The following NTM variants were observed in gnomAD, a reference collection of about 807,000 sequenced individuals.
The protein encoded by NTM is neurotrimin.
NTM carries 13 observed loss-of-function variants against 42.1 expected under a neutral mutation model. The observed-to-expected ratio is 0.31, with a 90% CI of 0.20 to 0.49. NTM has a LOEUF of 0.49. Ranked by LOEUF, NTM falls within the 20% of genes least tolerant of loss-of-function variation. The pLI is 0.99. For missense variants in NTM, 373 were observed against 452.8 expected (o/e 0.82, Z 1.60); for synonymous variants, 187 against 179.2 (o/e 1.04, Z -0.35).
intron 1 of NTM, among the ~76,000 whole-genome samples, chr11:131,892,213 C>T (rs969198604): frequency 2.0e-5 from 3 of 152,132 alleles, no homozygotes; most frequent in Admixed American, 2.0e-4. Flanking sequence ...GCTTGGTTCA[C>T]TCATCTGTCA....
chr11:131,476,178 G>A (rs1952919835), intron 1 of NTM, among the ~76,000 whole-genome samples: 1 of 152,182 alleles, frequency 6.6e-6, no homozygotes, highest in Non-Finnish European at 1.5e-5. Flanking sequence ...CCCATTTTAT[G>A]TTCTTGCCTA....
intron 2 of NTM, among the ~76,000 whole-genome samples, chr11:132,073,873 A>C (rs2136195935): frequency 6.6e-6 from 1 of 152,220 alleles, no homozygotes; most frequent in South Asian, 2.1e-4. Flanking sequence ...GGTTTGCTCC[A>C]CCATAAGTCA....
chr11:132,083,297 T>C (rs1213758536), intron 2 of NTM, among the ~76,000 whole-genome samples: 1 of 152,242 alleles, frequency 6.6e-6, no homozygotes, highest in Non-Finnish European at 1.5e-5. Context: ...GTCCTTATTT[T>C]TGTTAAAAAC....
At chr11:131,820,325 G>T (rs2093132288) in intron 1 of NTM, among the ~76,000 whole-genome samples, 1 of 152,146 alleles carries the variant, frequency 6.6e-6, no homozygotes, top group African/African-American at 2.4e-5. Context: ...GAGAGCAGGA[G>T]TCCTCCAAGA....
intron 1 of NTM, among the ~76,000 whole-genome samples, chr11:131,856,075 C>A (rs941426700): frequency 6.6e-6 from 1 of 152,088 alleles, no homozygotes; most frequent in Non-Finnish European, 1.5e-5. Context: ...TTTATTGATC[C>A]CTTCTAGGGC....
intron 1 of NTM, among the ~76,000 whole-genome samples, chr11:131,768,761 T>G (rs2085554822): frequency 1.3e-5 from 2 of 152,212 alleles, no homozygotes; most frequent in Admixed American, 1.3e-4. Flanking sequence ...ACATGGGAAC[T>G]CTATTGTTAT....
intron 1 of NTM, among the ~76,000 whole-genome samples, chr11:131,550,348 CTG>C (rs1180967721): frequency 2.0e-5 from 3 of 152,140 alleles, no homozygotes; most frequent in East Asian, 1.9e-4. Context: ...GGGTTTGAGA[CTG>C]TGTCGCTGCC....
intron 1 of NTM, among the ~76,000 whole-genome samples, chr11:131,853,896 C>A (rs1413947507): frequency 3.9e-5 from 6 of 152,180 alleles, no homozygotes; most frequent in African/African-American, 7.2e-5. Flanking sequence ...ACAACCTTGC[C>A]AGCATCTGCT....
At chr11:132,212,639 A>G in intron 4 of NTM, among the ~76,000 whole-genome samples, 1 of 152,218 alleles carries the variant, frequency 6.6e-6, no homozygotes, top group East Asian at 1.9e-4. Context: ...GATTGATCCT[A>G]GAGAACAAAT....
At chr11:132,017,952 C>T (rs572423890) in intron 2 of NTM, among the ~76,000 whole-genome samples, 3 of 151,982 alleles carry the variant, frequency 2.0e-5, no homozygotes, top group Non-Finnish European at 4.4e-5. Flanking sequence ...ATACAATAGA[C>T]TTTTGTATGC....
At chr11:132,053,657 A>G (rs1336916340) in intron 2 of NTM, among the ~76,000 whole-genome samples, 1 of 152,202 alleles carries the variant, frequency 6.6e-6, no homozygotes, top group Non-Finnish European at 1.5e-5. Context: ...TTCATCTACT[A>G]CCCAACCTCT....
intron 2 of NTM, among the ~76,000 whole-genome samples, chr11:132,055,104 T>C (rs1485726402): frequency 2.6e-5 from 4 of 152,336 alleles, no homozygotes; most frequent in East Asian, 1.9e-4. Flanking sequence ...GTGAGGCAGA[T>C]TGCAAAGGAT....
intron 4 of NTM, among the ~76,000 whole-genome samples, chr11:132,290,784 G>A (rs1314977431): frequency 6.6e-6 from 1 of 152,190 alleles, no homozygotes; most frequent in African/African-American, 2.4e-5. Context: ...GTGAATTGGG[G>A]ATGGGGGTGC....
chr11:131,523,876 A>T (rs2175969), intron 1 of NTM, among the ~76,000 whole-genome samples: 21,875 of 151,406 alleles, frequency 0.14, 1,822 homozygotes, highest in Middle Eastern at 0.23. Flanking sequence ...TTCTCTGTGC[A>T]GTTTGAAAAT....
At chr11:131,570,178 G>A (rs560876884) in intron 1 of NTM, among the ~76,000 whole-genome samples, 153 of 152,312 alleles carry the variant, frequency 1.0e-3, no homozygotes, top group African/African-American at 3.6e-3. Flanking sequence ...GAAGCTTATT[G>A]AAAAGGCAGA....
intron 3 of NTM, among the ~76,000 whole-genome samples, chr11:132,205,261 C>T (rs2081811949): frequency 6.6e-6 from 1 of 152,158 alleles, no homozygotes; most frequent in African/African-American, 2.4e-5. Flanking sequence ...TATGTGCATT[C>T]TCAGCCCCAC....
chr11:132,010,823 C>G (rs2072004400), intron 2 of NTM, among the ~76,000 whole-genome samples: 2 of 152,014 alleles, frequency 1.3e-5, no homozygotes, highest in African/African-American at 4.8e-5. Context: ...TGTGCTATCT[C>G]TCTTAAGAAT....
At chr11:131,438,540 A>T (rs891392799) in intron 1 of NTM, among the ~76,000 whole-genome samples, 4 of 152,092 alleles carry the variant, frequency 2.6e-5, no homozygotes, top group Non-Finnish European at 4.4e-5. Context: ...TTGACCTTCA[A>T]TCACCGATAC....
At chr11:131,498,447 T>C (rs112771577) in intron 1 of NTM, among the ~76,000 whole-genome samples, 10 of 152,320 alleles carry the variant, frequency 6.6e-5, no homozygotes, top group African/African-American at 2.2e-4. Context: ...TTTTTTATTA[T>C]GATGGTTAGA....
Sources: allele counts gnomAD v4.1 joint callset (sites outside exome capture counted in the v4.1 genomes callset), GRCh38; gene constraint gnomAD v4.1.1; transcripts MANE v1.5; gene names NCBI Gene and HGNC (gene_info 2026-07-23, HGNC 2026-07-21).